The following PNPLA6 variants were observed in gnomAD, a reference collection of about 807,000 sequenced individuals.
PNPLA6 encodes the protein patatin like domain 6, lysophospholipase.
PNPLA6 carries 105 observed loss-of-function variants against 153.7 expected under a neutral mutation model. The ratio of observed to expected loss-of-function variants is 0.68; its 90% CI spans 0.58 to 0.80. The LOEUF is 0.80. PNPLA6 is among the 30% of genes least tolerant of loss of function. The probability of loss-of-function intolerance (pLI) is 0.00; values close to 1 mark genes in which losing one functional copy is unlikely to be tolerated. For missense variants in PNPLA6, 1,423 were observed against 1,919.3 expected, an observed-to-expected ratio of 0.74 and a Z score of 4.83; for synonymous variants, 825 against 822.2, an observed-to-expected ratio of 1.00 and a Z score of -0.06.
chr19:7,560,938 A>C, intron 29 of PNPLA6, 76 bp from the exon 30 acceptor site: 1 of 906,628 alleles, frequency 1.1e-6, no homozygotes, highest in Non-Finnish European at 1.8e-6. Context: ...TGAGCCCCCA[A>C]TGCACCACTG....
At chr19:7,551,184 C>CG in intron 17 of PNPLA6, 77 bp downstream of exon 17, 1 of 224,714 alleles carries the variant, frequency 4.5e-6, no homozygotes, top group Non-Finnish European at 8.2e-6. Context: ...AGTGTGTGGG[C>CG]GGGGCTTACA....
chr19:7,550,838 T>A, intron 16 of PNPLA6, 156 bp from the exon 17 acceptor site: 1 of 899,598 alleles, frequency 1.1e-6, no homozygotes, highest in Non-Finnish European at 1.7e-6. Context: ...GTCCTCTCCC[T>A]CTCCCCAGAG....
intron 13 of PNPLA6, among the ~76,000 whole-genome samples, chr19:7,545,934 G>T (rs2023370126): frequency 6.6e-6 from 1 of 150,756 alleles, no homozygotes; most frequent in Non-Finnish European, 1.5e-5. Context: ...AAAAAAAGTG[G>T]GCAGGGAAAA....
Position 7,561,621 on chromosome 19 carries a change from C to T in PNPLA6, c.*59C>T, listed in dbSNP as rs779729052. On this transcript the variant is annotated 3_prime_UTR_variant, in exon 32 of 32. Transcript: ENST00000600737. ...CCCTGGACTGGGCTGGGGGTGGCCC[C>T]GTGGGGGTAGCTCACTCCCCCTCCT... The T allele has an allele frequency of 8.0e-6, 10 of 1,243,996 alleles. No individual in the cohort carries two copies. The highest frequency in any genetic ancestry group is 2.5e-5 in the East Asian group (1 of 39,832). The allele number at this position is 1,243,996 out of a possible 1,614,324, so 77.1% of individuals were successfully genotyped here.
In PNPLA6 at chr19:7,549,494, C is replaced by CTTCT. The variant is rs66673863; in HGVS notation, c.1609-411_1609-410insCTTT. ...AGCCACCGCGCCTGGCCTTCTTCTT[C>CTTCT]TTTTTTTTTTTAAAGACAGTGTCTC... On this transcript the variant is annotated intron_variant, in intron 13 of 31. Transcript: ENST00000600737. Among the ~76,000 whole-genome samples, 73 of 136,278 alleles carry CTTCT rather than the reference C, an allele frequency of 5.4e-4. 1 individual carries two copies. The highest frequency in any genetic ancestry group is 7.1e-4 in the Non-Finnish European group (46 of 64,694). The allele number at this position is 136,278 out of a possible 152,430, so 89.4% of individuals were successfully genotyped here.
chr19:7,555,520 A>G lies in PNPLA6; in HGVS notation c.2937-87A>G. ...GGTAGGGGCGGGTCCTTTGTTCCTT[A>G]GCAGTGCGGGAGGTGGGAGGAGGTA... On this transcript the variant is annotated intron_variant, in intron 23 of 31. Transcript: ENST00000600737. The surrounding 1 kb of genome is among the most constrained non-coding windows in gnomAD (Gnocchi z 6.3). 1 of 1,488,510 alleles carries G rather than the reference A, an allele frequency of 6.7e-7. No individual in the cohort carries two copies. The highest frequency in any genetic ancestry group is 9.2e-7 in the Non-Finnish European group (1 of 1,090,850). 92.2% of individuals were successfully genotyped at this position (1,488,510 alleles called of 1,614,324 possible). A position where few individuals can be genotyped will look rare whatever the true frequency, so the allele number is the denominator to read the frequency against.
At chr19:7,548,748 T>G (rs752770219) in intron 13 of PNPLA6, among the ~76,000 whole-genome samples, 203 of 150,624 alleles carry the variant, frequency 1.3e-3, no homozygotes, top group Middle Eastern at 6.9e-3. Context: ...CACATATATA[T>G]ATAGAGAGAG....
chr19:7,535,693 G>T (rs947243651), upstream of PNPLA6: 5 of 1,525,810 alleles, frequency 3.3e-6, no homozygotes, highest in South Asian at 1.2e-5. This position sits in a 1 kb window ranked among gnomAD's most constrained non-coding sequence, Gnocchi z 5.0. Context: ...GCGTCCGCTC[G>T]GGCGGAACTA....
At position 7,540,536 on chromosome 19, in the gene PNPLA6, T is replaced by A; in HGVS notation, c.715-94T>A. On this transcript the variant is annotated intron_variant, in intron 5 of 31. Coordinates refer to ENST00000600737, the MANE Select transcript of PNPLA6 (RefSeq NM_001166114.2). The surrounding 1 kb of genome is among the most constrained non-coding windows in gnomAD (Gnocchi z 6.8). ...GTTGGTGGGTTCCCCTGAGAAGGGA[T>A]GAGAAGTGTCAGTGATCATTGGGAT... is the stretch of plus-strand genomic sequence containing the variant. The A allele has an allele frequency of 8.8e-7, 1 of 1,129,950 alleles. No individual in the cohort carries two copies. Among genetic ancestry groups the A allele is most frequent in the Non-Finnish European group, 1.4e-6 (1 of 740,454 alleles). 70.0% of individuals were successfully genotyped at this position (1,129,950 alleles called of 1,614,324 possible). A position where few individuals can be genotyped will look rare whatever the true frequency, so the allele number is the denominator to read the frequency against.
Position 7,540,879 on chromosome 19 carries a change from G to A in PNPLA6, c.796-44G>A, listed in dbSNP as rs190490246. The stretch of plus-strand genomic sequence containing the variant: ...ATTAGGGGAGTAGCGAGGGGGACTC[G>A]CAGCCTCTGCCCTTGTCTCTCTTCA... On this transcript the variant is annotated intron_variant, in intron 6 of 31. Coordinates refer to ENST00000600737, the MANE Select transcript of PNPLA6 (RefSeq NM_001166114.2). This position sits in a 1 kb window ranked among gnomAD's most constrained non-coding sequence, Gnocchi z 6.8. The A allele has an allele frequency of 1.9e-4, 301 of 1,611,970 alleles. No homozygotes were observed. The highest frequency in any genetic ancestry group is 2.5e-4 in the Non-Finnish European group (289 of 1,179,408).
At chr19:7,543,181 C>A (rs2023235403) in intron 13 of PNPLA6, 97 bp downstream of exon 13, 1 of 1,059,468 alleles carries the variant, frequency 9.4e-7, no homozygotes, top group Non-Finnish European at 1.5e-6. Context: ...AAGACCAGCA[C>A]CTTCTCCCAT....
In PNPLA6 at chr19:7,558,887, C is replaced by T. The variant is rs550961160; in HGVS notation, c.3435C>T (p.Ile1145=). The change falls in exon 28 of 32, where the codon ATC becomes ATT. Residue 1145 remains isoleucine (I), a synonymous_variant. Coordinates refer to ENST00000600737, the MANE Select transcript of PNPLA6 (RefSeq NM_001166114.2). ...GCAGCATGGGTGCCAAAACGGTCATCGCCATTGACGTGGGGAGCCAGGATG... is the reference window on the plus strand; with the variant it reads ...GCAGCATGGGTGCCAAAACGGTCATTGCCATTGACGTGGGGAGCCAGGATG... ...IARSMGAKTV[I]AIDVGSQDET... is the part of the protein sequence containing the mutation. 1.5e-5 allele frequency: 25 copies of T among 1,613,284 alleles called. No individual in the cohort carries two copies. The highest frequency in any genetic ancestry group is 1.6e-4 in the Middle Eastern group (1 of 6,062).
At chr19:7,557,552 G>A (rs2146111920) in intron 27 of PNPLA6, 1 of 491,008 alleles carries the variant, frequency 2.0e-6, no homozygotes. Flanking sequence ...GGAGGCCTGA[G>A]GTGGGTGGAT....
chr19:7,560,795 G>A (rs1403855066), intron 29 of PNPLA6, 31 bp downstream of exon 29: 1 of 1,351,348 alleles, frequency 7.4e-7, no homozygotes, highest in Non-Finnish European at 1.1e-6. Context: ...GGGCCACTCT[G>A]ACTCCACTGA....
At chr19:7,535,207 G>T, upstream of PNPLA6, 1 of 529,586 alleles carries the variant, frequency 1.9e-6, no homozygotes, top group Non-Finnish European at 3.4e-6. The surrounding 1 kb of genome is among the most constrained non-coding windows in gnomAD (Gnocchi z 5.0). Context: ...CTGACAGTGG[G>T]TACCAGGTCG....
intron 27 of PNPLA6, 31 bp downstream of exon 27, chr19:7,557,315 C>T: frequency 7.6e-7 from 1 of 1,317,012 alleles, no homozygotes. Flanking sequence ...CCCGCACACG[C>T]AAGCACCTCC....
At chr19:7,549,024 G>T (rs1456751618) in intron 13 of PNPLA6, among the ~76,000 whole-genome samples, 4 of 150,812 alleles carry the variant, frequency 2.7e-5, no homozygotes, top group Admixed American at 2.0e-4. Flanking sequence ...GGATGGTCTC[G>T]ATCTCCTGAC....
rs144426286 is a variant in PNPLA6, at chr19:7,547,711, C to T, written c.1609-2196C>T. On this transcript the variant is annotated intron_variant, in intron 13 of 31. Coordinates refer to ENST00000600737, the MANE Select transcript of PNPLA6 (RefSeq NM_001166114.2). ...GGAGTGTAGTGACGCTATCATAGCT[C>T]ACTGCAACCTCAAACATCTAGGCTC... is the stretch of plus-strand genomic sequence containing the variant. Among the ~76,000 whole-genome samples the T allele has an allele frequency of 3.1e-3, 467 of 152,072 alleles. 2 individuals are homozygous for T. The highest frequency in any genetic ancestry group is 0.014 in the Middle Eastern group (4 of 294).
In PNPLA6 at chr19:7,539,939, G is replaced by GACGC; in HGVS notation, c.436_439dup (p.Pro147HisfsTer17). 1 of 1,557,554 alleles carries GACGC rather than the reference G, an allele frequency of 6.4e-7. No homozygotes were observed. Among genetic ancestry groups the GACGC allele is most frequent in the Non-Finnish European group, 8.7e-7 (1 of 1,152,434 alleles). ...CCAGGATCCTGCGCATCCAGAAAGA[G>GACGC]ACGCCCACGCTGCAGCGGAAGGAGC... On this transcript the variant is annotated frameshift_variant, in exon 4 of 32. Transcript: ENST00000600737. LOFTEE classifies it high-confidence loss of function.
Sources: allele counts gnomAD v4.1 joint callset (sites outside exome capture counted in the v4.1 genomes callset), GRCh38; gene constraint gnomAD v4.1.1; non-coding constraint Gnocchi (gnomAD v3.1); transcripts MANE v1.5; gene names NCBI Gene and HGNC (gene_info 2026-07-23, HGNC 2026-07-21).